Variants in TNPO3 observed in about 807,000 individuals in gnomAD.
TNPO3 encodes the protein transportin-3.
TNPO3 carries 65 observed loss-of-function variants against 122.8 expected under a neutral mutation model. That is an observed-to-expected ratio of 0.53 (90% CI 0.43 to 0.65). TNPO3 has a LOEUF of 0.65. Among genes scored for constraint, TNPO3 ranks in the 30% least tolerant of loss-of-function variants. The probability of loss-of-function intolerance (pLI) is 0.00; values close to 1 mark genes in which losing one functional copy is unlikely to be tolerated. For missense variants in TNPO3, 850 were observed against 1,136.7 expected (o/e 0.75, Z 3.63); for synonymous variants, 372 against 411.2 (o/e 0.90, Z 1.15).
At chr7:128,974,227 T>G (rs192047235) in intron 18 of TNPO3, among the ~76,000 whole-genome samples, 1 of 150,768 alleles carries the variant, frequency 6.6e-6, no homozygotes, top group Non-Finnish European at 1.5e-5. Context: ...CAAGTCAACA[T>G]TACTTTGCAT....
chr7:129,042,977 A>G (rs762282411), intron 1 of TNPO3, among the ~76,000 whole-genome samples: 5 of 152,180 alleles, frequency 3.3e-5, no homozygotes, highest in Non-Finnish European at 7.3e-5. Context: ...GAAGCAAAAA[A>G]GTTCCCTTAT....
chr7:128,999,025 GTA>G (rs1371854545), intron 7 of TNPO3, among the ~76,000 whole-genome samples: 1 of 151,902 alleles, frequency 6.6e-6, no homozygotes, highest in Non-Finnish European at 1.5e-5. Flanking sequence ...GCTAATTTTT[GTA>G]TTTTTAGTAA....
At chr7:129,014,949 G>C in intron 4 of TNPO3, 30 bp downstream of exon 4, 1 of 1,539,906 alleles carries the variant, frequency 6.5e-7, no homozygotes, top group Non-Finnish European at 8.7e-7. Context: ...CTGCCTTTAT[G>C]CAGCAACTTA....
At chr7:128,956,863 T>C (rs1006088591) in intron 22 of TNPO3, among the ~76,000 whole-genome samples, 5 of 152,162 alleles carry the variant, frequency 3.3e-5, no homozygotes, top group Non-Finnish European at 7.3e-5. Context: ...CAACTTGAGG[T>C]TGTTTTCGCC....
intron 21 of TNPO3, 84 bp downstream of exon 21, chr7:128,967,196 T>C: frequency 1.1e-6 from 1 of 906,832 alleles, no homozygotes; most frequent in Non-Finnish European, 1.8e-6. Context: ...CTATAAATTG[T>C]CCATTTCCCA....
intron 1 of TNPO3, among the ~76,000 whole-genome samples, chr7:129,051,705 A>G (rs1461544778): frequency 6.6e-6 from 1 of 151,982 alleles, no homozygotes; most frequent in African/African-American, 2.4e-5. Flanking sequence ...GTGCAGTGAC[A>G]CAATATCAGC....
intron 4 of TNPO3, among the ~76,000 whole-genome samples, chr7:129,014,391 C>G (rs773005475): frequency 1.3e-5 from 2 of 151,998 alleles, no homozygotes; most frequent in African/African-American, 2.4e-5. Context: ...GGCATGGTGG[C>G]GCACACCTGT....
chr7:128,991,249 C>T (rs1188235043), intron 10 of TNPO3, among the ~76,000 whole-genome samples: 1 of 152,102 alleles, frequency 6.6e-6, no homozygotes, highest in Non-Finnish European at 1.5e-5. Context: ...GGATTAGAAA[C>T]AATATGCCAC....
At chr7:129,035,191 G>A (rs1007009982) in intron 1 of TNPO3, among the ~76,000 whole-genome samples, 2 of 152,218 alleles carry the variant, frequency 1.3e-5, no homozygotes, top group African/African-American at 2.4e-5. Flanking sequence ...GGAGAATGGC[G>A]TGAACCCGGG....
At chr7:129,056,113 C>A, upstream of TNPO3, 1 of 1,091,354 alleles carries the variant, frequency 9.2e-7, no homozygotes, top group Non-Finnish European at 1.4e-6. Flanking sequence ...CAGAACGCGG[C>A]CACTGTGCCT....
chr7:128,981,932 G>A (rs534129070), intron 14 of TNPO3, among the ~76,000 whole-genome samples: 26 of 152,110 alleles, frequency 1.7e-4, no homozygotes, highest in Admixed American at 7.2e-4. Context: ...GTTTTGCCAC[G>A]TTGCCCAGGC....
intron 16 of TNPO3, 91 bp downstream of exon 16, chr7:128,978,892 A>G: frequency 6.7e-7 from 1 of 1,502,526 alleles, no homozygotes; most frequent in Non-Finnish European, 9.0e-7. Context: ...TAGGCCTCCC[A>G]AAGTGCTGGG....
intron 22 of TNPO3, among the ~76,000 whole-genome samples, chr7:128,956,160 G>A (rs981646542): frequency 4.6e-5 from 7 of 152,172 alleles, no homozygotes; most frequent in African/African-American, 1.7e-4. Context: ...CATCCCAAAT[G>A]ATATTATTAC....
chr7:128,985,449 A>T (rs907036691), intron 12 of TNPO3, among the ~76,000 whole-genome samples: 4 of 152,188 alleles, frequency 2.6e-5, no homozygotes, highest in African/African-American at 9.7e-5. Flanking sequence ...TTAAAAAATC[A>T]GCTAAGCATA....
In TNPO3 at chr7:128,993,905, G is replaced by A. The variant is rs770092621; in HGVS notation, c.1168C>T (p.Pro390Ser). ...CQLEPDHEGV[P>S]EETDDFGEFR... ...TCCCCAAAGTCATCAGTCTCCTCAGGAACCCCCTCCTAAAATATCAAATCA... is the reference window on the plus strand; with the variant it reads ...TCCCCAAAGTCATCAGTCTCCTCAGAAACCCCCTCCTAAAATATCAAATCA... Residue 390 changes from proline to serine, a missense_variant, in exon 9 of 23, where the codon CCT becomes TCT. Pro to Ser is a moderately conservative substitution (Grantham distance 74, BLOSUM62 -1). Coordinates refer to ENST00000265388, the MANE Select transcript of TNPO3 (RefSeq NM_012470.4). 3 of 1,613,648 alleles carry A rather than the reference G, an allele frequency of 1.9e-6. No homozygotes were observed. The highest frequency in any genetic ancestry group is 1.7e-5 in the Admixed American group (1 of 59,954).
chr7:128,999,636 G>C (rs1801709825), intron 7 of TNPO3, among the ~76,000 whole-genome samples: 1 of 149,174 alleles, frequency 6.7e-6, no homozygotes, highest in African/African-American at 2.5e-5. Flanking sequence ...TTTTGAGACG[G>C]AGTTTCGCTC....
At chr7:129,039,279 C>T (rs1807075278) in intron 1 of TNPO3, among the ~76,000 whole-genome samples, 1 of 152,128 alleles carries the variant, frequency 6.6e-6, no homozygotes, top group Non-Finnish European at 1.5e-5. Context: ...AGAGCGTTAT[C>T]ACCCAGGCAC....
chr7:128,961,932 T>C (rs976813653), intron 21 of TNPO3, among the ~76,000 whole-genome samples: 7 of 152,136 alleles, frequency 4.6e-5, no homozygotes, highest in Admixed American at 2.6e-4. Context: ...AACACCAAGA[T>C]GGAGAAATGG....
At chr7:129,005,553 T>C (rs767066901) in intron 4 of TNPO3, among the ~76,000 whole-genome samples, 4 of 152,126 alleles carry the variant, frequency 2.6e-5, no homozygotes, top group Admixed American at 6.6e-5. Context: ...GTTCTTGTGA[T>C]AGAGTTCTCA....
Sources: gnomAD v4.1 joint callset for allele counts (sites outside exome capture counted in the v4.1 genomes callset) on GRCh38, gnomAD v4.1.1 for gene constraint, MANE v1.5 for transcripts, NCBI Gene and HGNC (gene_info 2026-07-23, HGNC 2026-07-21) for gene names.